The following TMC7 variants were observed in gnomAD, a reference collection of about 807,000 sequenced individuals.
The protein encoded by TMC7 is transmembrane channel-like protein 7.
TMC7 carries 54 observed loss-of-function variants against 82.9 expected under a neutral mutation model. That is an observed-to-expected ratio of 0.65 (90% CI 0.52 to 0.82). The LOEUF is 0.82. Among genes scored for constraint, TMC7 ranks in the 40% least tolerant of loss-of-function variants. The pLI is 0.00. For synonymous variants in TMC7, 350 were observed against 337.9 expected, an observed-to-expected ratio of 1.04 and a Z score of -0.39; for missense variants, 820 against 901.2, an observed-to-expected ratio of 0.91 and a Z score of 1.15.
rs1334552674 is a variant in TMC7 at position 18,984,068 on chromosome 16, G to T, written c.5G>T (p.Ser2Ile). ...TGAGGAGCGCGGGGCGCGGCCATGAGCGAGTCCAGCGGCAGTGCGCTCCAG... is the reference window on the plus strand; with the variant it reads ...TGAGGAGCGCGGGGCGCGGCCATGATCGAGTCCAGCGGCAGTGCGCTCCAG... Reference protein sequence around the residue: MSESSGSALQPG... With the variant: MIESSGSALQPG... The change falls in exon 1 of 16, where the codon AGC becomes ATC. Residue 2 changes from serine to isoleucine, a missense_variant. Physicochemically the swap from Ser to Ile is moderately radical, Grantham distance 142 (BLOSUM62 -2). This residue lies in a region of TMC7 where 650 missense variants were observed against 669.9 expected (regional missense o/e 0.97). Transcript: ENST00000304381. The T allele has an allele frequency of 6.7e-7, 1 of 1,494,800 alleles. No homozygotes were observed. Among genetic ancestry groups the T allele is most frequent in the Admixed American group, 2.2e-5 (1 of 46,130 alleles). The allele number at this position is 1,494,800 out of a possible 1,614,324, so 92.6% of individuals were successfully genotyped here.
At chr16:18,984,462 C>G (rs900644831) in intron 1 of TMC7, 7 of 1,128,600 alleles carry the variant, frequency 6.2e-6, no homozygotes, top group Admixed American at 5.1e-5. Flanking sequence ...TTGAGCACCC[C>G]CTCCACGCCT....
intron 7 of TMC7, among the ~76,000 whole-genome samples, chr16:19,037,624 C>T (rs1282920602): frequency 6.6e-6 from 1 of 151,920 alleles, no homozygotes; most frequent in Non-Finnish European, 1.5e-5. Context: ...CACTCATCAC[C>T]ACACCCAGCT....
At chr16:19,034,126 T>C (rs1960636499) in intron 6 of TMC7, among the ~76,000 whole-genome samples, 1 of 152,204 alleles carries the variant, frequency 6.6e-6, no homozygotes, top group African/African-American at 2.4e-5. Context: ...TTTAAGTCAT[T>C]TATTCATTGC....
chr16:18,999,953 C>G (rs79526008), intron 1 of TMC7, among the ~76,000 whole-genome samples: 3,129 of 151,730 alleles, frequency 0.021, 111 homozygotes, highest in African/African-American at 0.072. Flanking sequence ...TTAGTAGAGA[C>G]GGGGTTTCAC....
intron 1 of TMC7, among the ~76,000 whole-genome samples, chr16:18,995,937 C>T (rs966224715): frequency 6.6e-6 from 1 of 152,056 alleles, no homozygotes; most frequent in South Asian, 2.1e-4. Context: ...CCAAGCATGC[C>T]ATGAACTGGG....
At chr16:19,007,976 G>C (rs1188051245) in intron 1 of TMC7, among the ~76,000 whole-genome samples, 2 of 152,160 alleles carry the variant, frequency 1.3e-5, no homozygotes, top group Non-Finnish European at 2.9e-5. Context: ...TTGAGATGAG[G>C]AAACTGAGTC....
In TMC7 at chr16:19,050,960, C is replaced by T. The variant is rs533483223; in HGVS notation, c.1741-726C>T. Among the ~76,000 whole-genome samples, 6 of 152,290 alleles carry T rather than the reference C, an allele frequency of 3.9e-5. No homozygotes were observed. In the South Asian group the frequency reaches 1.2e-3, roughly 32 times the overall value. On this transcript the variant is annotated intron_variant, in intron 12 of 15. Transcript: ENST00000304381. ...GGAATGCAATGGCATGATCATAGCT[C>T]ACTGCAGCCTCAAAGTCCTGGCCTC...
intron 1 of TMC7, among the ~76,000 whole-genome samples, chr16:19,001,549 G>T (rs889840327): frequency 6.6e-6 from 1 of 152,116 alleles, no homozygotes; most frequent in Non-Finnish European, 1.5e-5. Flanking sequence ...GGGTGTAGTG[G>T]TGCACACCTG....
intron 13 of TMC7, among the ~76,000 whole-genome samples, chr16:19,052,312 A>C (rs1961576639): frequency 6.6e-6 from 1 of 152,152 alleles, no homozygotes; most frequent in African/African-American, 2.4e-5. Flanking sequence ...CAGCCTCCTG[A>C]GTAACTTGAT....
At chr16:19,007,672 A>T (rs2039264555) in intron 1 of TMC7, among the ~76,000 whole-genome samples, 1 of 151,652 alleles carries the variant, frequency 6.6e-6, no homozygotes, top group Non-Finnish European at 1.5e-5. Context: ...TCCGTCTCAA[A>T]AAAAAAAAAA....
rs555049357 is a variant in TMC7 at position 18,996,363 on chromosome 16, G to C, written c.67+12233G>C. ...ACTAGGGAGGGAGCAATGTGTAAAAGAATGCCTGGATGTCAGGCACCTCAG... is the reference window on the plus strand; with the variant it reads ...ACTAGGGAGGGAGCAATGTGTAAAACAATGCCTGGATGTCAGGCACCTCAG... On this transcript the variant is annotated intron_variant, in intron 1 of 15. Transcript: ENST00000304381. Among the ~76,000 whole-genome samples, 134 of 152,236 alleles carry C rather than the reference G, an allele frequency of 8.8e-4. 1 individual carries two copies. The highest frequency in any genetic ancestry group is 3.4e-3 in the Middle Eastern group (1 of 294).
At chr16:19,040,510 C>A (rs1191262134) in intron 9 of TMC7, 64 bp downstream of exon 9, 1 of 1,438,256 alleles carries the variant, frequency 7.0e-7, no homozygotes, top group Non-Finnish European at 9.5e-7. Context: ...CTCTCTTGCC[C>A]ATGGCAGACA....
chr16:19,037,816 C>A, intron 7 of TMC7, 58 bp from the exon 8 acceptor site: 1 of 1,529,474 alleles, frequency 6.5e-7, no homozygotes, highest in South Asian at 1.2e-5. Flanking sequence ...GAATCAATTT[C>A]TATCCCTGAG....
chr16:19,010,530 T>G (rs1484599127), intron 2 of TMC7, among the ~76,000 whole-genome samples: 1 of 152,186 alleles, frequency 6.6e-6, no homozygotes, highest in Non-Finnish European at 1.5e-5. Context: ...GGACCCAGGC[T>G]CTTTCCATCT....
At position 19,016,606 on chromosome 16, in the gene TMC7, G is replaced by T; in HGVS notation, c.460+8G>T. The T allele has an allele frequency of 6.2e-7, 1 of 1,612,622 alleles. No individual in the cohort carries two copies. The highest frequency in any genetic ancestry group is 8.5e-7 in the Non-Finnish European group (1 of 1,179,734). ...ACATCCGCAGCATAGAAGGTATGCT[G>T]TCCTCACCTCTCTGCAGGCTCCTCC... On this transcript the variant is annotated splice_region_variant and intron_variant, in intron 3 of 15. Transcript: ENST00000304381.
At position 19,044,916 on chromosome 16, in the gene TMC7, TC is replaced by T; in HGVS notation, c.1372del (p.Leu458TrpfsTer41). 1 of 1,613,984 alleles carries T rather than the reference TC, an allele frequency of 6.2e-7. No homozygotes were observed. Among genetic ancestry groups the T allele is most frequent in the Non-Finnish European group, 8.5e-7 (1 of 1,180,020 alleles). On this transcript the variant is annotated frameshift_variant, in exon 10 of 16. Transcript: ENST00000304381. LOFTEE classifies it high-confidence loss of function. ...CVFMRLATIC[V>X]LVFTLGSKIT... The stretch of plus-strand genomic sequence containing the variant: ...TTTATGCGGCTGGCCACCATATGTG[TC>T]CTGGTGTTCACGCTGGGCTCCAAGA...
Position 19,016,679 on chromosome 16 carries a change from G to T in TMC7, c.460+81G>T, listed in dbSNP as rs1959713857. The T allele has an allele frequency of 3.5e-6, 5 of 1,438,432 alleles. No individual in the cohort carries two copies. In the South Asian group the frequency reaches 6.8e-5, roughly 20 times the overall value. 89.1% of individuals were successfully genotyped at this position (1,438,432 alleles called of 1,614,324 possible). ...CAAGTACAGCTTCGTTTCCACTAGG[G>T]TCTAGCTGAAATTGAGCATTTCTTT... On this transcript the variant is annotated intron_variant, in intron 3 of 15. Coordinates refer to ENST00000304381, the MANE Select transcript of TMC7 (RefSeq NM_024847.4).
intron 6 of TMC7, among the ~76,000 whole-genome samples, chr16:19,034,809 G>T (rs990111140): frequency 6.6e-6 from 1 of 152,008 alleles, no homozygotes; most frequent in Non-Finnish European, 1.5e-5. Context: ...GAGTCCCAGA[G>T]GCAGGAACAG....
At position 18,991,671 on chromosome 16, in the gene TMC7, G is replaced by C. The variant is rs897458127; in HGVS notation, c.67+7541G>C. Among the ~76,000 whole-genome samples the C allele has an allele frequency of 1.3e-4, 20 of 151,934 alleles. 1 individual carries two copies. Among genetic ancestry groups the C allele is most frequent in the Admixed American group, 4.6e-4 (7 of 15,236 alleles). On this transcript the variant is annotated intron_variant, in intron 1 of 15. Transcript: ENST00000304381. ...TACATATGTATACATGTGCCATGTT[G>C]GTATGCTGCACCCATTAACTCATCA...
Sources: gnomAD v4.1 joint callset for allele counts (sites outside exome capture counted in the v4.1 genomes callset) on GRCh38, gnomAD v4.1.1 for gene constraint, gnomAD v4.1.1 regional missense constraint, MANE v1.5 for transcripts, NCBI Gene and HGNC (gene_info 2026-07-23, HGNC 2026-07-21) for gene names.